Variants in GFRA3 observed in about 807,000 individuals in gnomAD.
GFRA3 encodes the protein GDNF family receptor alpha-3.
Under a neutral mutation model 40.0 loss-of-function variants are expected in GFRA3, and 24 were observed. The ratio of observed to expected loss-of-function variants is 0.60; its 90% CI spans 0.43 to 0.84. The LOEUF is 0.84. Ranked by LOEUF, GFRA3 falls within the 40% of genes least tolerant of loss-of-function variation. The probability of loss-of-function intolerance (pLI) is 0.00; values close to 1 mark genes in which losing one functional copy is unlikely to be tolerated. For missense variants in GFRA3, 405 were observed against 530.6 expected (o/e 0.76, Z 2.33); for synonymous variants, 203 against 213.5 (o/e 0.95, Z 0.43).
Position 138,259,543 on chromosome 5 carries a change from GT to G in GFRA3, c.472+13del. On this transcript the variant is annotated intron_variant, in intron 3 of 7. Transcript: ENST00000274721. Reference sequence around the variant, plus strand: ...CCCCAGCCTCTGGTTCCCGAGCCTAGTTGCCCTCCACACCTGGTTTGAGCAT... The same window carrying G: ...CCCCAGCCTCTGGTTCCCGAGCCTAGTGCCCTCCACACCTGGTTTGAGCAT... 1 of 1,261,414 alleles carries G rather than the reference GT, an allele frequency of 7.9e-7. No homozygotes were observed. The highest frequency in any genetic ancestry group is 1.2e-6 in the Non-Finnish European group (1 of 857,430). The allele number at this position is 1,261,414 out of a possible 1,614,324, so 78.1% of individuals were successfully genotyped here.
chr5:138,271,899 T>TGTG lies in GFRA3; in HGVS notation c.91+2434_91+2435insCAC, dbSNP rs1554111191. On this transcript the variant is annotated intron_variant, in intron 1 of 7. Transcript: ENST00000274721. ...GGCAGTATTTTCTTTTCTGTTTTTTTTTTTTTTTTTTTTTTGTGTGTGTGT... is the reference window on the plus strand; with the variant it reads ...GGCAGTATTTTCTTTTCTGTTTTTTTGTGTTTTTTTTTTTTTTTGTGTGTGTGT... Among the ~76,000 whole-genome samples the TGTG allele has an allele frequency of 1.1e-3, 110 of 101,348 alleles. 2 individuals are homozygous for TGTG. Among genetic ancestry groups the TGTG allele is most frequent in the Non-Finnish European group, 2.0e-3 (93 of 47,654 alleles). 66.5% of individuals were successfully genotyped at this position (101,348 alleles called of 152,430 possible).
intron 4 of GFRA3, among the ~76,000 whole-genome samples, chr5:138,254,558 C>T (rs1265327472): frequency 6.6e-6 from 1 of 152,120 alleles, no homozygotes; most frequent in African/African-American, 2.4e-5. Context: ...GCTTGGCATG[C>T]CCATTGTCGT....
chr5:138,272,093 C>T (rs1277406810), intron 1 of GFRA3, among the ~76,000 whole-genome samples: 1 of 150,740 alleles, frequency 6.6e-6, no homozygotes, highest in East Asian at 2.0e-4. Context: ...GCAAGCTCCA[C>T]CTCCCAGGTT....
intron 7 of GFRA3, 29 bp downstream of exon 7, chr5:138,253,258 T>G: frequency 7.0e-7 from 1 of 1,429,880 alleles, no homozygotes. Flanking sequence ...CCAGTAAAGG[T>G]CTGAGGGGTG....
At chr5:138,256,988 A>T (rs1193065425) in intron 4 of GFRA3, among the ~76,000 whole-genome samples, 1 of 152,094 alleles carries the variant, frequency 6.6e-6, no homozygotes, top group Non-Finnish European at 1.5e-5. Context: ...TAAGTAAAAA[A>T]ATAAGCACTA....
intron 4 of GFRA3, 114 bp from the exon 5 acceptor site, chr5:138,254,274 G>A (rs966398827): frequency 4.1e-5 from 27 of 665,686 alleles, no homozygotes; most frequent in Non-Finnish European, 8.0e-6. Context: ...TGCAACCTCT[G>A]CCTCCCAGGT....
At chr5:138,263,144 T>G (rs1755735703) in intron 2 of GFRA3, among the ~76,000 whole-genome samples, 1 of 151,956 alleles carries the variant, frequency 6.6e-6, no homozygotes, top group Non-Finnish European at 1.5e-5. Flanking sequence ...TTTTTGTATT[T>G]TTAGTAGAGA....
rs1459072973 is a variant in GFRA3 at position 138,264,309 on chromosome 5, C to T, written c.331G>A (p.Val111Ile). ...GTCCAATAGATGTCCAAGCAGGCAA[C>T]CTGGTTCTTCATGCGCCGGTGGCAC... The part of the protein sequence containing the change: ...CMCHRRMKNQ[V>I]ACLDIYWTVH... The change falls in exon 2 of 8, where the codon GTT (valine) becomes ATT (isoleucine). Residue 111 changes from valine (V) to isoleucine (I), a missense_variant. Coordinates refer to ENST00000274721, the MANE Select transcript of GFRA3 (RefSeq NM_001496.4). The T allele has an allele frequency of 1.2e-6, 2 of 1,612,284 alleles. No homozygotes were observed. The highest frequency in any genetic ancestry group is 2.7e-5 in the African/African-American group (2 of 74,908).
At chr5:138,254,300 G>A (rs1755596194) in intron 4 of GFRA3, 140 bp from the exon 5 acceptor site, 2 of 628,150 alleles carry the variant, frequency 3.2e-6, no homozygotes, top group Non-Finnish European at 5.7e-6. Flanking sequence ...CAATTCTCCT[G>A]CCTCAGCCTC....
At chr5:138,259,329 T>C (rs1755679863) in intron 3 of GFRA3, among the ~76,000 whole-genome samples, 1 of 152,238 alleles carries the variant, frequency 6.6e-6, no homozygotes, top group Non-Finnish European at 1.5e-5. Flanking sequence ...GGAGCCCTAA[T>C]GGGCTCTCTT....
Position 138,263,782 on chromosome 5 carries a change from T to C in GFRA3, c.379+479A>G, listed in dbSNP as rs144013845. Among the ~76,000 whole-genome samples the C allele has an allele frequency of 1.6e-4, 25 of 152,350 alleles. 1 individual carries two copies. In the East Asian group the frequency reaches 4.8e-3, roughly 29 times the overall value. ...TAAAAGCTGACTAATAAGGGGCCTA[T>C]GGAAAGAGTGACAAGCAGCTCCTCT... On this transcript the variant is annotated intron_variant, in intron 2 of 7. Transcript: ENST00000274721.
chr5:138,254,932 C>T (rs772079455), intron 4 of GFRA3, among the ~76,000 whole-genome samples: 16 of 126,448 alleles, frequency 1.3e-4, no homozygotes, highest in Non-Finnish European at 2.0e-4. Flanking sequence ...TGTCTCAGAA[C>T]GAAAGAAAGA....
Position 138,264,362 on chromosome 5 carries a change from A to C in GFRA3, c.278T>G (p.Leu93Arg), listed in dbSNP as rs1337761515. 1 of 1,613,930 alleles carries C rather than the reference A, an allele frequency of 6.2e-7. No homozygotes were observed. Among genetic ancestry groups the C allele is most frequent in the South Asian group, 1.1e-5 (1 of 91,080 alleles). ...GCAGCCTATCAGAGAGCTGTTCCTG[A>C]GTTGCTGTGCTGCCTCCAGGCAGTC... ...PADCLEAAQQ[L>R]RNSSLIGCMC... is the part of the protein sequence containing the mutation. The change falls in exon 2 of 8, where the codon CTC (leucine) becomes CGC (arginine). Residue 93 changes from leucine (L) to arginine (R), a missense_variant. Leu to Arg is a moderately radical substitution (Grantham distance 102, BLOSUM62 -2). Transcript: ENST00000274721.
intron 1 of GFRA3, among the ~76,000 whole-genome samples, chr5:138,270,124 G>A (rs1405112007): frequency 6.6e-6 from 1 of 151,046 alleles, no homozygotes; most frequent in Non-Finnish European, 1.5e-5. Flanking sequence ...CACTTTGAGA[G>A]GCTGAGACAG....
At chr5:138,254,593 G>C (rs1465862913) in intron 4 of GFRA3, among the ~76,000 whole-genome samples, 1 of 152,100 alleles carries the variant, frequency 6.6e-6, no homozygotes, top group African/African-American at 2.4e-5. Flanking sequence ...TGCCTTCAGA[G>C]CCTGGCCCAG....
rs116268521 is a variant in GFRA3, at chr5:138,254,190, T to A, written c.786-30A>T. 3 of 1,125,168 alleles carry A rather than the reference T, an allele frequency of 2.7e-6. No individual in the cohort carries two copies. In the Admixed American group the frequency reaches 6.1e-5, roughly 23 times the overall value. 69.7% of individuals were successfully genotyped at this position (1,125,168 alleles called of 1,614,324 possible). The stretch of plus-strand genomic sequence containing the variant: ...AAGAAGGGAAATTTCTGTCTTTCTT[T>A]TTTTTTTTTTTTTGAGATGATGTCT... On this transcript the variant is annotated intron_variant, in intron 4 of 7. Transcript: ENST00000274721.
At chr5:138,255,352 A>G (rs151092484) in intron 4 of GFRA3, among the ~76,000 whole-genome samples, 2 of 152,330 alleles carry the variant, frequency 1.3e-5, no homozygotes, top group African/African-American at 4.8e-5. Flanking sequence ...GTTACAAAGA[A>G]CTAAGTAGGA....
intron 2 of GFRA3, among the ~76,000 whole-genome samples, chr5:138,260,676 G>C (rs1004673451): frequency 6.6e-6 from 1 of 152,122 alleles, no homozygotes; most frequent in African/African-American, 2.4e-5. Flanking sequence ...GGCTGAGGTG[G>C]GAGAATCACT....
chr5:138,273,786 T>C (rs1033468904), intron 1 of GFRA3, among the ~76,000 whole-genome samples: 1 of 152,182 alleles, frequency 6.6e-6, no homozygotes, highest in Non-Finnish European at 1.5e-5. Flanking sequence ...AAAACATCTA[T>C]TGTGGATTAT....
Sources: allele counts gnomAD v4.1 joint callset (sites outside exome capture counted in the v4.1 genomes callset), GRCh38; gene constraint gnomAD v4.1.1; transcripts MANE v1.5; gene names NCBI Gene and HGNC (gene_info 2026-07-23, HGNC 2026-07-21).